The following NXPH1 variants were observed in gnomAD, a reference collection of about 807,000 sequenced individuals.
NXPH1 encodes the protein neurexophilin 1, also known as neurexophilin-1.
Under a neutral mutation model 23.7 loss-of-function variants are expected in NXPH1, and 5 were observed. That is an observed-to-expected ratio of 0.21 (90% CI 0.11 to 0.44). The LOEUF (loss-of-function observed/expected upper bound fraction) is 0.44, where lower values mean the gene tolerates loss of function less well. Among genes scored for constraint, NXPH1 ranks in the 20% least tolerant of loss-of-function variants. The pLI is 0.99. For synonymous variants in NXPH1, 144 were observed against 122.2 expected, an observed-to-expected ratio of 1.18 and a Z score of -1.18; for missense variants, 324 against 321.6, an observed-to-expected ratio of 1.01 and a Z score of -0.06.
chr7:8,716,915 C>G (rs1362491705), intron 2 of NXPH1, among the ~76,000 whole-genome samples: 1 of 152,190 alleles, frequency 6.6e-6, no homozygotes, highest in African/African-American at 2.4e-5. Context: ...CTTCACCTCC[C>G]TAATGCACAG....
chr7:8,737,522 C>A (rs553528453), intron 2 of NXPH1, among the ~76,000 whole-genome samples: 8 of 152,282 alleles, frequency 5.3e-5, no homozygotes, highest in African/African-American at 1.9e-4. Flanking sequence ...GATGGGCTTC[C>A]CTTTGTGGGT....
intron 2 of NXPH1, among the ~76,000 whole-genome samples, chr7:8,694,698 C>T (rs1313621883): frequency 2.0e-5 from 3 of 152,102 alleles, no homozygotes; most frequent in Non-Finnish European, 4.4e-5. Context: ...AGTACCTTTA[C>T]AATTTATCTC....
At chr7:8,445,834 T>C (rs1184702975) in intron 2 of NXPH1, among the ~76,000 whole-genome samples, 1 of 152,246 alleles carries the variant, frequency 6.6e-6, no homozygotes, top group Non-Finnish European at 1.5e-5. Flanking sequence ...ATCTGATACC[T>C]GACATTGCAC....
chr7:8,457,726 A>G (rs1209331214), intron 2 of NXPH1, among the ~76,000 whole-genome samples: 2 of 152,070 alleles, frequency 1.3e-5, no homozygotes, highest in South Asian at 2.1e-4. Flanking sequence ...AAATATTTGC[A>G]TACTTATCCC....
intron 2 of NXPH1, among the ~76,000 whole-genome samples, chr7:8,460,457 G>T (rs149767202): frequency 6.6e-6 from 1 of 152,168 alleles, no homozygotes; most frequent in African/African-American, 2.4e-5. Context: ...AGGGGTTTGA[G>T]CCTTGATAGC....
chr7:8,668,984 C>T (rs1400865573), intron 2 of NXPH1, among the ~76,000 whole-genome samples: 2 of 152,180 alleles, frequency 1.3e-5, no homozygotes, highest in Admixed American at 1.3e-4. Context: ...TGGGGTTGGC[C>T]TGGAGCATGG....
At chr7:8,593,677 T>C (rs918448540) in intron 2 of NXPH1, among the ~76,000 whole-genome samples, 1 of 152,098 alleles carries the variant, frequency 6.6e-6, no homozygotes, top group Admixed American at 6.6e-5. Flanking sequence ...TTTGTCTTGA[T>C]GTCTTGCTGT....
intron 2 of NXPH1, among the ~76,000 whole-genome samples, chr7:8,643,279 A>T (rs1408920718): frequency 6.6e-6 from 1 of 152,160 alleles, no homozygotes; most frequent in African/African-American, 2.4e-5. Flanking sequence ...TTTTAATAAT[A>T]TATGTATATG....
Position 8,536,689 on chromosome 7 carries a change from C to G in NXPH1, c.54+100922C>G, listed in dbSNP as rs1429407387. Among the ~76,000 whole-genome samples the G allele has an allele frequency of 2.0e-5, 3 of 150,068 alleles. No individual in the cohort carries two copies. The East Asian group carries it at 5.8e-4, about 29-fold the overall frequency. On this transcript the variant is annotated intron_variant, in intron 2 of 2. Coordinates refer to ENST00000405863, the MANE Select transcript of NXPH1 (RefSeq NM_152745.3). The stretch of plus-strand genomic sequence containing the variant: ...TAGGTAGAAAATGTATTGTAAGGGG[C>G]CCAGAGAAGAAGAAGAGAGACTGTT...
intron 2 of NXPH1, among the ~76,000 whole-genome samples, chr7:8,506,551 A>G (rs1010587580): frequency 6.6e-6 from 1 of 152,068 alleles, no homozygotes; most frequent in Non-Finnish European, 1.5e-5. Context: ...AAAGACAGAT[A>G]CCATCTCTGC....
chr7:8,502,225 G>T (rs1320581449), intron 2 of NXPH1, among the ~76,000 whole-genome samples: 1 of 151,982 alleles, frequency 6.6e-6, no homozygotes, highest in Non-Finnish European at 1.5e-5. Flanking sequence ...TTTTTTAAAT[G>T]TACAGAAATT....
chr7:8,665,167 G>T (rs1256038742), intron 2 of NXPH1, among the ~76,000 whole-genome samples: 1 of 151,928 alleles, frequency 6.6e-6, no homozygotes, highest in Non-Finnish European at 1.5e-5. Flanking sequence ...TTATATTTAA[G>T]TTTTTAATCC....
intron 2 of NXPH1, among the ~76,000 whole-genome samples, chr7:8,726,486 TC>T (rs1197870405): frequency 2.8e-5 from 2 of 71,844 alleles, no homozygotes; most frequent in Non-Finnish European, 5.0e-5. Context: ...CCCTCCCCCC[TC>T]CCCCCACCCC....
intron 2 of NXPH1, among the ~76,000 whole-genome samples, chr7:8,547,002 G>A (rs2076879168): frequency 6.6e-6 from 1 of 151,428 alleles, no homozygotes; most frequent in African/African-American, 2.4e-5. Flanking sequence ...AAATGGGTCA[G>A]CAAATTGGGA....
intron 2 of NXPH1, among the ~76,000 whole-genome samples, chr7:8,474,342 C>A (rs914528764): frequency 6.6e-6 from 1 of 151,900 alleles, no homozygotes; most frequent in African/African-American, 2.4e-5. Context: ...AGTAGTAAAG[C>A]TTTCTTGTTT....
At chr7:8,534,885 C>G (rs1416388149) in intron 2 of NXPH1, among the ~76,000 whole-genome samples, 3 of 152,082 alleles carry the variant, frequency 2.0e-5, no homozygotes, top group African/African-American at 7.2e-5. Flanking sequence ...TATTTATACA[C>G]TGCATTTTTT....
intron 2 of NXPH1, among the ~76,000 whole-genome samples, chr7:8,731,371 C>T (rs116213267): frequency 0.066 from 10,097 of 152,258 alleles, 411 homozygotes; most frequent in East Asian, 0.17. Context: ...CAGCTTTGTT[C>T]CCTTGCTGGG....
chr7:8,467,149 C>A (rs1256865325), intron 2 of NXPH1, among the ~76,000 whole-genome samples: 2 of 152,088 alleles, frequency 1.3e-5, no homozygotes, highest in African/African-American at 2.4e-5. Flanking sequence ...AGAGTACTTT[C>A]TTTTTTATAT....
intron 2 of NXPH1, among the ~76,000 whole-genome samples, chr7:8,694,378 AAGTATAGCTCAGT>A (rs2115185451): frequency 1.3e-5 from 2 of 152,318 alleles, no homozygotes; most frequent in South Asian, 4.1e-4. Context: ...TCTCAACAGA[AAGTATAGCTCAGT>A]GCTTTTGGGG....
Sources: gnomAD v4.1 joint callset for allele counts (sites outside exome capture counted in the v4.1 genomes callset) on GRCh38, gnomAD v4.1.1 for gene constraint, MANE v1.5 for transcripts, NCBI Gene and HGNC (gene_info 2026-07-23, HGNC 2026-07-21) for gene names.